TRAM2: variants seen among roughly 807,000 people sequenced by gnomAD.
TRAM2 encodes the protein translocating chain-associated membrane protein 2.
TRAM2 carries 12 observed loss-of-function variants against 51.0 expected under a neutral mutation model. That is an observed-to-expected ratio of 0.24 (90% CI 0.15 to 0.38). The LOEUF (loss-of-function observed/expected upper bound fraction) is 0.38, where lower values mean the gene tolerates loss of function less well. Ranked by LOEUF, TRAM2 falls within the 10% of genes least tolerant of loss-of-function variation. The probability of loss-of-function intolerance (pLI) is 1.00; values close to 1 mark genes in which losing one functional copy is unlikely to be tolerated. For synonymous variants in TRAM2, 175 were observed against 179.4 expected, an observed-to-expected ratio of 0.98 and a Z score of 0.20; for missense variants, 361 against 462.0, an observed-to-expected ratio of 0.78 and a Z score of 2.00.
At position 52,502,213 on chromosome 6, in the gene TRAM2, G is replaced by A. The variant is rs1054969948; in HGVS notation, c.*984C>T. 2 of 152,424 alleles carry A rather than the reference G, an allele frequency of 1.3e-5. No homozygotes were observed. Among genetic ancestry groups the A allele is most frequent in the South Asian group, 2.1e-4 (1 of 4,826 alleles). 9.4% of individuals were successfully genotyped at this position (152,424 alleles called of 1,614,324 possible). On this transcript the variant is annotated 3_prime_UTR_variant, in exon 11 of 11. Coordinates refer to ENST00000182527, the MANE Select transcript of TRAM2 (RefSeq NM_012288.4). ...CAAGGTAGTAAGTTTGGCCCCTGAC[G>A]GGGCTGGCTGGCTCTGGAGGTGAGG...
intron 6 of TRAM2, 38 bp from the exon 7 acceptor site, chr6:52,507,661 C>CCCTA: frequency 6.2e-7 from 1 of 1,602,186 alleles, no homozygotes; most frequent in Non-Finnish European, 8.5e-7. Flanking sequence ...TTTGCTAATT[C>CCCTA]CCTAACTGAA....
intron 4 of TRAM2, among the ~76,000 whole-genome samples, chr6:52,510,779 G>A (rs1036774535): frequency 6.6e-6 from 1 of 152,176 alleles, no homozygotes; most frequent in African/African-American, 2.4e-5. Flanking sequence ...ATAGTGTGGT[G>A]GGCCAGTGAT....
At position 52,503,032 on chromosome 6, in the gene TRAM2, CAAG is replaced by C. The variant is rs772490131; in HGVS notation, c.*162_*164del. ...GGTTTGTGGAAGAATAAGAGGAAGC[CAAG>C]AAGAAGGAAAGCGAAACGCCCCCTC... On this transcript the variant is annotated 3_prime_UTR_variant, in exon 11 of 11. Transcript: ENST00000182527. 1.2e-4 allele frequency: 77 copies of C among 665,744 alleles called. No individual in the cohort carries two copies. The highest frequency in any genetic ancestry group is 1.1e-3 in the African/African-American group (60 of 55,740). The allele number at this position is 665,744 out of a possible 1,614,324, so 41.2% of individuals were successfully genotyped here.
At chr6:52,536,417 G>A (rs1274552210) in intron 1 of TRAM2, among the ~76,000 whole-genome samples, 2 of 152,154 alleles carry the variant, frequency 1.3e-5, no homozygotes, top group African/African-American at 2.4e-5. Context: ...TTCAAAAACT[G>A]CCTTTAAAAT....
chr6:52,523,389 A>C (rs1260918226), intron 2 of TRAM2: 1 of 149,668 alleles, frequency 6.7e-6, no homozygotes, highest in Non-Finnish European at 1.5e-5. Flanking sequence ...AGTAGAAATG[A>C]ACAAAGGATA....
intron 1 of TRAM2, among the ~76,000 whole-genome samples, chr6:52,547,488 G>GT (rs1490366247): frequency 3.3e-5 from 5 of 152,194 alleles, no homozygotes; most frequent in African/African-American, 1.2e-4. Context: ...ATGAATTAAT[G>GT]TACTTTCAGA....
intron 2 of TRAM2, among the ~76,000 whole-genome samples, chr6:52,530,890 A>C (rs1033772251): frequency 3.3e-5 from 5 of 152,178 alleles, no homozygotes; most frequent in African/African-American, 1.2e-4. Context: ...AGAGGGAGTT[A>C]CAGCAAAACA....
intron 1 of TRAM2, among the ~76,000 whole-genome samples, chr6:52,546,023 G>A (rs942431256): frequency 2.0e-5 from 3 of 152,126 alleles, no homozygotes; most frequent in African/African-American, 7.2e-5. Context: ...CATTCTCACA[G>A]GGCAAGTACA....
intron 1 of TRAM2, among the ~76,000 whole-genome samples, chr6:52,540,825 G>C (rs1449058612): frequency 6.6e-6 from 1 of 152,208 alleles, no homozygotes; most frequent in South Asian, 2.1e-4. Flanking sequence ...TGGGTAAAAG[G>C]TTAAAAGTGA....
intron 1 of TRAM2, among the ~76,000 whole-genome samples, chr6:52,542,276 T>TAAA (rs66882373): frequency 6.8e-6 from 1 of 147,730 alleles, no homozygotes; most frequent in Non-Finnish European, 1.5e-5. Flanking sequence ...TTTTTTTTTT[T>TAAA]AAAAAAAATA....
intron 5 of TRAM2, 29 bp from the exon 6 acceptor site, chr6:52,508,347 C>T (rs1221845248): frequency 6.2e-7 from 1 of 1,607,272 alleles, no homozygotes; most frequent in East Asian, 2.2e-5. Flanking sequence ...GTCACACGGG[C>T]AGGATAGAGA....
intron 1 of TRAM2, among the ~76,000 whole-genome samples, chr6:52,560,597 T>G (rs1767482935): frequency 6.6e-6 from 1 of 152,236 alleles, no homozygotes; most frequent in African/African-American, 2.4e-5. Flanking sequence ...AGTCTGCCGT[T>G]AGAGCAGGAG....
At chr6:52,567,151 T>A (rs1378968362) in intron 1 of TRAM2, among the ~76,000 whole-genome samples, 1 of 152,214 alleles carries the variant, frequency 6.6e-6, no homozygotes, top group Admixed American at 6.5e-5. Flanking sequence ...GCAACCCAAC[T>A]GGTAGGGCTG....
intron 1 of TRAM2, among the ~76,000 whole-genome samples, chr6:52,559,153 C>T (rs1767456355): frequency 6.6e-6 from 1 of 152,178 alleles, no homozygotes; most frequent in African/African-American, 2.4e-5. Context: ...AGAAAGGGGG[C>T]ATGGTAGAAA....
intron 4 of TRAM2, among the ~76,000 whole-genome samples, chr6:52,509,991 T>C (rs1766424055): frequency 6.6e-6 from 1 of 152,220 alleles, no homozygotes; most frequent in Admixed American, 6.5e-5. Flanking sequence ...TGTCTAGTCC[T>C]GTGCCTGGCA....
intron 1 of TRAM2, among the ~76,000 whole-genome samples, chr6:52,576,549 G>A (rs954287004): frequency 6.6e-6 from 1 of 152,214 alleles, no homozygotes; most frequent in Non-Finnish European, 1.5e-5. Flanking sequence ...AGAGCTGCAG[G>A]ATACGATGAG....
chr6:52,534,153 G>A (rs1562482174), intron 2 of TRAM2, among the ~76,000 whole-genome samples: 1 of 151,336 alleles, frequency 6.6e-6, no homozygotes, highest in South Asian at 2.1e-4. Context: ...AGGCCAAGGT[G>A]GGCAGATCAC....
intron 1 of TRAM2, among the ~76,000 whole-genome samples, chr6:52,553,845 G>A (rs1262627726): frequency 6.6e-6 from 1 of 152,074 alleles, no homozygotes; most frequent in African/African-American, 2.4e-5. Context: ...GCACATCACA[G>A]GTATTCAATA....
At chr6:52,565,419 C>A (rs1453869169) in intron 1 of TRAM2, among the ~76,000 whole-genome samples, 3 of 152,100 alleles carry the variant, frequency 2.0e-5, no homozygotes, top group Non-Finnish European at 2.9e-5. Flanking sequence ...CGGCTGCGGG[C>A]TTCGGTTCCG....
Sources: gnomAD v4.1 joint callset for allele counts (sites outside exome capture counted in the v4.1 genomes callset) on GRCh38, gnomAD v4.1.1 for gene constraint, MANE v1.5 for transcripts, NCBI Gene and HGNC (gene_info 2026-07-23, HGNC 2026-07-21) for gene names.